Variants in GABRA2 observed in about 807,000 individuals in gnomAD.
The protein encoded by GABRA2 is gamma-aminobutyric acid receptor subunit alpha-2.
In GABRA2, 16 loss-of-function variants were observed where a neutral mutation model predicts 48.7. The observed-to-expected ratio is 0.33, with a 90% CI of 0.22 to 0.50. The LOEUF (loss-of-function observed/expected upper bound fraction) is 0.50, where lower values mean the gene tolerates loss of function less well. Among genes scored for constraint, GABRA2 ranks in the 20% least tolerant of loss-of-function variants. The pLI, the probability that GABRA2 is intolerant of heterozygous loss-of-function variation, is 0.98. For synonymous variants in GABRA2, 185 were observed against 184.5 expected (o/e 1.00, Z -0.02); for missense variants, 275 against 535.6 (o/e 0.51, Z 4.80).
chr4:46,308,490 C>T (rs1370948068), intron 6 of GABRA2, among the ~76,000 whole-genome samples: 2 of 152,154 alleles, frequency 1.3e-5, no homozygotes, highest in Admixed American at 6.6e-5. Flanking sequence ...TCAGCTATGG[C>T]TTGGCTTGTA....
chr4:46,341,210 T>C (rs1733163221), intron 3 of GABRA2, among the ~76,000 whole-genome samples: 1 of 152,092 alleles, frequency 6.6e-6, no homozygotes, highest in Non-Finnish European at 1.5e-5. Context: ...TGACTAGTAA[T>C]TCTGATATCT....
At chr4:46,295,894 C>A (rs1479460586) in intron 8 of GABRA2, among the ~76,000 whole-genome samples, 7 of 152,166 alleles carry the variant, frequency 4.6e-5, no homozygotes, top group African/African-American at 1.7e-4. Flanking sequence ...TCATAGAATG[C>A]CTTATCCACC....
chr4:46,244,643 C>T lies in GABRA2; in HGVS notation c.*5665G>A, dbSNP rs1713369523. ...AAATGTTATGAAACGAACAATATGA[C>T]AAATGAAAACACATCTCTCCAACCA... On this transcript the variant is annotated 3_prime_UTR_variant, in exon 10 of 10. Transcript: ENST00000381620. Among the ~76,000 whole-genome samples the T allele has an allele frequency of 6.6e-6, 1 of 151,200 alleles. No individual in the cohort carries two copies. The highest frequency in any genetic ancestry group is 1.5e-5 in the Non-Finnish European group (1 of 67,540).
intron 1 of GABRA2, 135 bp downstream of exon 1, chr4:46,389,600 G>A (rs1245005796): frequency 8.5e-6 from 4 of 473,330 alleles, no homozygotes; most frequent in Non-Finnish European, 1.1e-5. Flanking sequence ...CGCTGGGGAG[G>A]AGGGAGGTGC....
rs1019077444 is a variant in GABRA2, at chr4:46,344,693, A to C, written c.188-12011T>G. Among the ~76,000 whole-genome samples the C allele has an allele frequency of 2.4e-4, 37 of 151,842 alleles. 1 individual carries two copies. The highest frequency in any genetic ancestry group is 8.7e-4 in the African/African-American group (36 of 41,374). The stretch of plus-strand genomic sequence containing the variant: ...AGGACATTAACTAAAGGGGATTGGC[A>C]ACTACTACACAGAAGGAGGAGGGAA... On this transcript the variant is annotated intron_variant, in intron 3 of 9. Coordinates refer to ENST00000381620, the MANE Select transcript of GABRA2 (RefSeq NM_000807.4).
intron 8 of GABRA2, among the ~76,000 whole-genome samples, chr4:46,289,879 T>TTTTATTTTATTTATTTATTTA (rs1723256783): frequency 7.8e-6 from 1 of 128,322 alleles, no homozygotes; most frequent in African/African-American, 4.6e-5. Context: ...TACCAGTTTA[T>TTTTATTTTATTTATTTATTTA]TTTATTTATT....
chr4:46,312,162 T>A (rs1348397985), intron 5 of GABRA2, among the ~76,000 whole-genome samples: 1 of 152,132 alleles, frequency 6.6e-6, no homozygotes, highest in East Asian at 1.9e-4. Flanking sequence ...GGATATCTGA[T>A]AAGATATTAA....
At position 46,289,912 on chromosome 4, in the gene GABRA2, TA is replaced by T. The variant is rs1177811402; in HGVS notation, c.856+13547del. Among the ~76,000 whole-genome samples the T allele has an allele frequency of 9.9e-4, 143 of 143,828 alleles. 1 individual carries two copies. The highest frequency in any genetic ancestry group is 1.4e-3 in the Non-Finnish European group (92 of 66,196). 94.4% of individuals were successfully genotyped at this position (143,828 alleles called of 152,430 possible). ...ATTTATTTATTTATTTATTTATTTT[TA>T]TTTTTTTTTTTTTTTTGAGACTGAG... On this transcript the variant is annotated intron_variant, in intron 8 of 9. Coordinates refer to ENST00000381620, the MANE Select transcript of GABRA2 (RefSeq NM_000807.4).
intron 8 of GABRA2, among the ~76,000 whole-genome samples, chr4:46,271,410 T>A (rs968197730): frequency 6.6e-6 from 1 of 152,036 alleles, no homozygotes; most frequent in African/African-American, 2.4e-5. Context: ...GAATGTGCAC[T>A]CTCAGGTGCA....
At chr4:46,328,571 C>A (rs1730792880) in intron 4 of GABRA2, among the ~76,000 whole-genome samples, 1 of 150,912 alleles carries the variant, frequency 6.6e-6, no homozygotes, top group Non-Finnish European at 1.5e-5. Flanking sequence ...ATCTCCACAT[C>A]CACTTTGACT....
intron 4 of GABRA2, among the ~76,000 whole-genome samples, chr4:46,315,201 A>G (rs1192330296): frequency 6.8e-6 from 1 of 147,428 alleles, no homozygotes; most frequent in Admixed American, 6.9e-5. Flanking sequence ...ATAGTATCTC[A>G]TTGTGGTTTT....
chr4:46,313,203 A>C (rs185173605), intron 4 of GABRA2, among the ~76,000 whole-genome samples: 1 of 150,850 alleles, frequency 6.6e-6, no homozygotes. Context: ...AAAAAATTAA[A>C]AAGAAAAATT....
At chr4:46,362,475 G>A (rs1018679899) in intron 3 of GABRA2, among the ~76,000 whole-genome samples, 32 of 151,998 alleles carry the variant, frequency 2.1e-4, no homozygotes, top group Non-Finnish European at 3.8e-4. Flanking sequence ...TATCAGCAGC[G>A]TGAAAACAGA....
chr4:46,331,982 CA>C (rs1731437477), intron 4 of GABRA2, among the ~76,000 whole-genome samples: 1 of 152,090 alleles, frequency 6.6e-6, no homozygotes, highest in Non-Finnish European at 1.5e-5. Flanking sequence ...CTCAGCCTCC[CA>C]AATTGCTGCA....
chr4:46,261,586 C>T, intron 9 of GABRA2: 1 of 386,264 alleles, frequency 2.6e-6, no homozygotes, highest in Non-Finnish European at 4.7e-6. Flanking sequence ...AAGAAAATAA[C>T]TTTACTGCTT....
chr4:46,389,172 C>T (rs756970147), intron 1 of GABRA2: 35 of 988,352 alleles, frequency 3.5e-5, no homozygotes, highest in Non-Finnish European at 4.1e-5. Context: ...AGACCACCTC[C>T]GCAACCACAG....
intron 8 of GABRA2, among the ~76,000 whole-genome samples, chr4:46,274,013 G>C (rs567144839): frequency 1.3e-5 from 2 of 152,050 alleles, no homozygotes; most frequent in Admixed American, 6.6e-5. Context: ...GCTATAAGCG[G>C]GGGGGCAGAA....
intron 9 of GABRA2, among the ~76,000 whole-genome samples, chr4:46,258,041 T>C (rs994422459): frequency 1.3e-5 from 2 of 151,814 alleles, no homozygotes; most frequent in African/African-American, 4.8e-5. Flanking sequence ...TGAGATGTTA[T>C]ATTCAGGTAG....
rs1305542015 is a variant in GABRA2, at chr4:46,246,072, C to T, written c.*4236G>A. Among the ~76,000 whole-genome samples, 2 of 150,872 alleles carry T rather than the reference C, an allele frequency of 1.3e-5. No homozygotes were observed. Among genetic ancestry groups the T allele is most frequent in the Non-Finnish European group, 3.0e-5 (2 of 67,354 alleles). ...CCCAAATGACTTTCACATGAACTTTCTCTACTTTAGTATTTTAGTTATGAT... is the reference window on the plus strand; with the variant it reads ...CCCAAATGACTTTCACATGAACTTTTTCTACTTTAGTATTTTAGTTATGAT... On this transcript the variant is annotated 3_prime_UTR_variant, in exon 10 of 10. Transcript: ENST00000381620.
Sources: allele counts gnomAD v4.1 joint callset (sites outside exome capture counted in the v4.1 genomes callset), GRCh38; gene constraint gnomAD v4.1.1; transcripts MANE v1.5; gene names NCBI Gene and HGNC (gene_info 2026-07-23, HGNC 2026-07-21).